ZNF737: variants seen among roughly 807,000 people sequenced by gnomAD.
ZNF737 encodes the protein zinc finger protein 102 (Y3).
Under a neutral mutation model 11.7 loss-of-function variants are expected in ZNF737, and 13 were observed. The ratio of observed to expected loss-of-function variants is 1.11; its 90% CI spans 0.73 to 1.77. ZNF737 has a LOEUF of 1.77. Ranked by LOEUF, ZNF737 falls within the 40% of genes most tolerant of loss-of-function variation. The pLI is 0.00. For synonymous variants in ZNF737, 217 were observed against 216.2 expected (o/e 1.00, Z -0.03); for missense variants, 636 against 638.0 (o/e 1.00, Z 0.03).
At chr19:20,552,873 A>T (rs1968739246) in intron 2 of ZNF737, among the ~76,000 whole-genome samples, 1 of 151,852 alleles carries the variant, frequency 6.6e-6, no homozygotes, top group Non-Finnish European at 1.5e-5. Flanking sequence ...TTAGCCAAAC[A>T]CGGTGACTTG....
At chr19:20,536,600 G>A (rs1967976253), downstream of ZNF737, among the ~76,000 whole-genome samples, 1 of 151,958 alleles carries the variant, frequency 6.6e-6, no homozygotes, top group Non-Finnish European at 1.5e-5. Context: ...ACAGGGTCAG[G>A]AGCTCGAGAC....
In ZNF737 at chr19:20,544,685, C is replaced by G; in HGVS notation, c.1518G>C (p.Glu506Asp). 1 of 1,607,006 alleles carries G rather than the reference C, an allele frequency of 6.2e-7. No homozygotes were observed. The highest frequency in any genetic ancestry group is 8.5e-7 in the Non-Finnish European group (1 of 1,177,562). Residue 506 changes from glutamate to aspartate, a missense_variant, in exon 4 of 4, where the codon GAG becomes GAC. Glu to Asp is a conservative substitution (Grantham distance 45). Coordinates refer to ENST00000427401, the MANE Select transcript of ZNF737 (RefSeq NM_001159293.2). ...LTRHKRIHTG[E>D]KPYKCEECGK... The stretch of plus-strand genomic sequence containing the variant: ...CACATTCTTCACATTTGTAGGGTTT[C>G]TCTCCAGTATGAATTCTCTTATGTC...
chr19:20,552,950 T>C (rs1262214141), intron 2 of ZNF737, among the ~76,000 whole-genome samples: 1 of 151,424 alleles, frequency 6.6e-6, no homozygotes. Flanking sequence ...AGGTGGATGT[T>C]TCAGTAAGCT....
chr19:20,548,967 A>AAAAAAAAC (rs1968558753), intron 3 of ZNF737, among the ~76,000 whole-genome samples: 1 of 114,532 alleles, frequency 8.7e-6, no homozygotes, highest in Non-Finnish European at 1.8e-5. Context: ...AAACTGAAAA[A>AAAAAAAAC]AAAAAAAAAA....
downstream of ZNF737, among the ~76,000 whole-genome samples, chr19:20,531,974 C>A (rs1368024358): frequency 6.7e-6 from 1 of 149,984 alleles, no homozygotes; most frequent in Non-Finnish European, 1.5e-5. Flanking sequence ...CTTCTTTTTT[C>A]TTTTGCTAAA....
rs1349045814 is a variant in ZNF737 at position 20,544,597 on chromosome 19, GT to G, written c.1605del (p.Lys535AsnfsTer49). 1.2e-5 allele frequency: 19 copies of G among 1,597,674 alleles called. No individual in the cohort carries two copies. The highest frequency in any genetic ancestry group is 1.6e-5 in the Non-Finnish European group (19 of 1,173,512). On this transcript the variant is annotated frameshift_variant, in exon 4 of 4. Transcript: ENST00000427401. LOFTEE classifies it high-confidence loss of function. The part of the protein sequence containing the change: ...TTHKVIHTGE[K>X]L The stretch of plus-strand genomic sequence containing the variant: ...CTTTGCCACATTCCTCACATTTATA[GT>G]TTCTCTCCAGTATGAATTACCTTAT...
chr19:20,554,809 GT>G (rs1968823036), intron 1 of ZNF737, among the ~76,000 whole-genome samples: 1 of 151,130 alleles, frequency 6.6e-6, no homozygotes, highest in East Asian at 1.9e-4. Context: ...GTCCTAATAA[GT>G]TTTTTCAGAA....
At chr19:20,537,167 ACT>A (rs1968000356), downstream of ZNF737, among the ~76,000 whole-genome samples, 3 of 151,076 alleles carry the variant, frequency 2.0e-5, no homozygotes, top group South Asian at 4.2e-4. Flanking sequence ...CGTGTCAAAC[ACT>A]GTTATTTGGC....
Position 20,542,476 on chromosome 19 carries a change from C to T in ZNF737, c.*2116G>A. 6 of 803,744 alleles carry T rather than the reference C, an allele frequency of 7.5e-6. No individual in the cohort carries two copies. Among genetic ancestry groups the T allele is most frequent in the Non-Finnish European group, 7.5e-6 (5 of 664,338 alleles). 49.8% of individuals were successfully genotyped at this position (803,744 alleles called of 1,614,324 possible). On this transcript the variant is annotated 3_prime_UTR_variant, in exon 4 of 4. Transcript: ENST00000427401. ...CGAACTCCTGACCTCAGGTGATCTG[C>T]CCACCTTGGCCTCCCAAAGTGCTGA...
downstream of ZNF737, among the ~76,000 whole-genome samples, chr19:20,533,985 G>T (rs1269314547): frequency 1.3e-5 from 2 of 150,110 alleles, 1 homozygote; most frequent in Non-Finnish European, 3.0e-5. Flanking sequence ...TGGCTGATTG[G>T]TATCACCTAG....
At chr19:20,530,860 G>A (rs1359320239), downstream of ZNF737, among the ~76,000 whole-genome samples, 2 of 148,358 alleles carry the variant, frequency 1.3e-5, no homozygotes, top group Admixed American at 6.7e-5. Flanking sequence ...TCTGCACTTT[G>A]GGGGGCCAAG....
intron 3 of ZNF737, among the ~76,000 whole-genome samples, chr19:20,547,390 A>AAC (rs1202879103): frequency 1.3e-5 from 2 of 151,272 alleles, no homozygotes; most frequent in African/African-American, 4.8e-5. Flanking sequence ...CAAAAAAAAA[A>AAC]AAAAAAAAAA....
intron 1 of ZNF737, among the ~76,000 whole-genome samples, chr19:20,557,935 G>C (rs1968950476): frequency 6.6e-6 from 1 of 151,964 alleles, no homozygotes; most frequent in African/African-American, 2.4e-5. Flanking sequence ...AATTTTATTA[G>C]AAAATAAATA....
chr19:20,538,735 T>A lies in ZNF737; in HGVS notation c.*5857A>T. ...CTGAGTGGAGGCACCACACTGCACA[T>A]CAATGCTTTCCACATGCACCCAATA... On this transcript the variant is annotated 3_prime_UTR_variant, in exon 4 of 4. Transcript: ENST00000427401. The A allele has an allele frequency of 1.0e-6, 1 of 985,426 alleles. No homozygotes were observed. The highest frequency in any genetic ancestry group is 1.2e-6 in the Non-Finnish European group (1 of 829,918). 61.0% of individuals were successfully genotyped at this position (985,426 alleles called of 1,614,324 possible).
intron 1 of ZNF737, among the ~76,000 whole-genome samples, chr19:20,561,629 A>G (rs8108699): frequency 0.76 from 115,590 of 151,622 alleles, 44,142 homozygotes; most frequent in East Asian, 0.82. Context: ...TCCTGGCACC[A>G]AATCTGTAGA....
downstream of ZNF737, among the ~76,000 whole-genome samples, chr19:20,532,042 C>T (rs1207189689): frequency 2.2e-4 from 33 of 150,014 alleles, 8 homozygotes; most frequent in Non-Finnish European, 7.4e-5. Context: ...ATCAACAAAG[C>T]TCTATCTTCA....
chr19:20,538,795 C>A lies in ZNF737; in HGVS notation c.*5797G>T. On this transcript the variant is annotated 3_prime_UTR_variant, in exon 4 of 4. Transcript: ENST00000427401. Reference sequence around the variant, plus strand: ...TTTAATTGGGCTGTTATTTGCATAGCTAGATAATTACCAACTTTAGTCATA... The same window carrying A: ...TTTAATTGGGCTGTTATTTGCATAGATAGATAATTACCAACTTTAGTCATA... The A allele has an allele frequency of 1.0e-6, 1 of 985,368 alleles. No homozygotes were observed. Among genetic ancestry groups the A allele is most frequent in the Non-Finnish European group, 1.2e-6 (1 of 829,920 alleles). The allele number at this position is 985,368 out of a possible 1,614,324, so 61.0% of individuals were successfully genotyped here. A position where few individuals can be genotyped will look rare whatever the true frequency, so the allele number is the denominator to read the frequency against.
intron 1 of ZNF737, among the ~76,000 whole-genome samples, chr19:20,555,430 C>A (rs1314958866): frequency 2.0e-5 from 3 of 152,158 alleles, no homozygotes; most frequent in Non-Finnish European, 4.4e-5. Context: ...GATCTGCCCG[C>A]TTCAGCCTCC....
rs782351547 is a variant in ZNF737, at chr19:20,545,820, C to T, written c.383G>A (p.Arg128Lys). 2 of 1,613,396 alleles carry T rather than the reference C, an allele frequency of 1.2e-6. No individual in the cohort carries two copies. ...ESVDECKVHK[R>K]GYNGLNQYLT... ...ATATTGGTTAAGTCCATTATAACCT[C>T]TTTTGTGCACCTTACACTCATCTAC... The change falls in exon 4 of 4, where the codon AGA becomes AAA. Residue 128 changes from arginine (R) to lysine (K), a missense_variant. Transcript: ENST00000427401.
Sources: allele counts gnomAD v4.1 joint callset (sites outside exome capture counted in the v4.1 genomes callset), GRCh38; gene constraint gnomAD v4.1.1; transcripts MANE v1.5; gene names NCBI Gene and HGNC (gene_info 2026-07-23, HGNC 2026-07-21).